Variants in GALNT17 observed in about 807,000 individuals in gnomAD.
GALNT17 encodes the protein polypeptide N-acetylgalactosaminyltransferase 17, also known as UDP-GalNAc:polypeptide N-acetylgalactosaminyltransferase-like 3.
A neutral mutation model predicts 63.7 loss-of-function variants in GALNT17; 29 were observed. The ratio of observed to expected loss-of-function variants is 0.46; its 90% confidence interval spans 0.34 to 0.62. The LOEUF (loss-of-function observed/expected upper bound fraction) is 0.62, where lower values mean the gene tolerates loss of function less well. Among genes scored for constraint, GALNT17 ranks in the 20% least tolerant of loss-of-function variants. GALNT17 has a pLI of 0.01. For missense variants in GALNT17, 603 were observed against 799.6 expected (o/e 0.75, Z 2.97); for synonymous variants, 305 against 318.3 (o/e 0.96, Z 0.45).
chr7:71,195,332 C>T (rs1368360976), intron 1 of GALNT17, among the ~76,000 whole-genome samples: 4 of 151,974 alleles, frequency 2.6e-5, no homozygotes, highest in Non-Finnish European at 5.9e-5. Flanking sequence ...CTTTCCGCCT[C>T]AGTCTCCTAT....
intron 9 of GALNT17, among the ~76,000 whole-genome samples, chr7:71,686,808 A>T (rs1179865451): frequency 6.6e-6 from 1 of 152,120 alleles, no homozygotes; most frequent in East Asian, 1.9e-4. Context: ...GCAAATTCTG[A>T]TGCAGCTTTG....
intron 5 of GALNT17, among the ~76,000 whole-genome samples, chr7:71,481,202 T>C (rs1328938650): frequency 6.6e-6 from 1 of 152,188 alleles, no homozygotes; most frequent in Non-Finnish European, 1.5e-5. Context: ...ATCCCAGTAC[T>C]TTGGGAGGCT....
intron 5 of GALNT17, among the ~76,000 whole-genome samples, chr7:71,428,799 G>T (rs1786808148): frequency 6.6e-6 from 1 of 152,134 alleles, no homozygotes; most frequent in Non-Finnish European, 1.5e-5. Flanking sequence ...TCTGGTTTCT[G>T]GGATTTGCAC....
intron 6 of GALNT17, among the ~76,000 whole-genome samples, chr7:71,604,936 A>C (rs1790023599): frequency 6.6e-6 from 1 of 152,172 alleles, no homozygotes; most frequent in Non-Finnish European, 1.5e-5. Flanking sequence ...GAGTGCCCCC[A>C]TTCTAGGACA....
intron 5 of GALNT17, among the ~76,000 whole-genome samples, chr7:71,426,449 C>T (rs755709033): frequency 3.3e-5 from 5 of 152,172 alleles, no homozygotes; most frequent in African/African-American, 9.7e-5. Context: ...TTCTGTTAGG[C>T]GGTTCTTGAA....
intron 1 of GALNT17, among the ~76,000 whole-genome samples, chr7:71,182,696 A>G (rs1788755785): frequency 6.6e-6 from 1 of 152,012 alleles, no homozygotes; most frequent in African/African-American, 2.4e-5. Context: ...GGCTTTCCAA[A>G]TGTTACAGCA....
At chr7:71,303,912 G>A (rs1791244045) in intron 1 of GALNT17, among the ~76,000 whole-genome samples, 1 of 152,168 alleles carries the variant, frequency 6.6e-6, no homozygotes, top group Non-Finnish European at 1.5e-5. Flanking sequence ...TGTAAGGCAA[G>A]TATTTTAAAA....
chr7:71,539,359 TAAAAA>T (rs968498349), intron 5 of GALNT17, among the ~76,000 whole-genome samples: 1 of 152,118 alleles, frequency 6.6e-6, no homozygotes, highest in Non-Finnish European at 1.5e-5. Flanking sequence ...TGTTTATTGT[TAAAAA>T]AATAAAATAA....
At chr7:71,522,472 A>G (rs1381431476) in intron 5 of GALNT17, among the ~76,000 whole-genome samples, 1 of 152,206 alleles carries the variant, frequency 6.6e-6, no homozygotes, top group Non-Finnish European at 1.5e-5. Flanking sequence ...TTTTACATGG[A>G]TGGCAGCAGG....
intron 1 of GALNT17, among the ~76,000 whole-genome samples, chr7:71,152,492 T>G (rs1788153331): frequency 6.6e-6 from 1 of 152,182 alleles, no homozygotes. Flanking sequence ...TGATCTGTAG[T>G]CCCTCTCCCC....
At chr7:71,272,924 AAAG>A (rs1372557372) in intron 1 of GALNT17, among the ~76,000 whole-genome samples, 1 of 149,552 alleles carries the variant, frequency 6.7e-6, no homozygotes, top group Non-Finnish European at 1.5e-5. Context: ...ACCGGAGAGC[AAAG>A]AAGAGCCTTG....
At chr7:71,450,031 G>T (rs891241154) in intron 5 of GALNT17, among the ~76,000 whole-genome samples, 1 of 92,342 alleles carries the variant, frequency 1.1e-5, no homozygotes, top group Admixed American at 1.3e-4. Flanking sequence ...AACAAAGAGC[G>T]AAACTCCCTC....
At chr7:71,180,736 C>T (rs558576855) in intron 1 of GALNT17, among the ~76,000 whole-genome samples, 4 of 152,220 alleles carry the variant, frequency 2.6e-5, no homozygotes, top group Admixed American at 6.5e-5. Context: ...CAAAAGTTCT[C>T]AGAGCTGGGG....
intron 1 of GALNT17, among the ~76,000 whole-genome samples, chr7:71,199,277 C>G (rs187269265): frequency 6.6e-6 from 1 of 152,124 alleles, no homozygotes; most frequent in Non-Finnish European, 1.5e-5. Context: ...TTTTCCAGAT[C>G]TTTGGTTTGC....
intron 6 of GALNT17, among the ~76,000 whole-genome samples, chr7:71,637,075 A>T (rs1425201103): frequency 1.3e-5 from 2 of 152,168 alleles, no homozygotes; most frequent in African/African-American, 4.8e-5. Flanking sequence ...GTAGCACATA[A>T]CTCATCATGT....
At chr7:71,430,369 C>T (rs1258625114) in intron 5 of GALNT17, among the ~76,000 whole-genome samples, 1 of 152,138 alleles carries the variant, frequency 6.6e-6, no homozygotes, top group Admixed American at 6.6e-5. Flanking sequence ...AACTTTTGCT[C>T]GTAGCTTGAG....
chr7:71,584,214 C>T (rs1042667928), intron 6 of GALNT17, among the ~76,000 whole-genome samples: 1 of 152,140 alleles, frequency 6.6e-6, no homozygotes, highest in Non-Finnish European at 1.5e-5. Flanking sequence ...TGGAAATTTT[C>T]CCCCGAGTGG....
At chr7:71,279,343 T>A (rs2115744127) in intron 1 of GALNT17, among the ~76,000 whole-genome samples, 1 of 152,164 alleles carries the variant, frequency 6.6e-6, no homozygotes, top group African/African-American at 2.4e-5. Context: ...AACTCACTAT[T>A]ATAAGAACAT....
chr7:71,155,437 C>T (rs750357675), intron 1 of GALNT17, among the ~76,000 whole-genome samples: 1 of 151,504 alleles, frequency 6.6e-6, no homozygotes, highest in Non-Finnish European at 1.5e-5. Context: ...CCATGCCTGG[C>T]TAATTTTTGT....
Sources: allele counts gnomAD v4.1 joint callset (sites outside exome capture counted in the v4.1 genomes callset), GRCh38; gene constraint gnomAD v4.1.1; transcripts MANE v1.5; gene names NCBI Gene and HGNC (gene_info 2026-07-23, HGNC 2026-07-21).